The following VWF variants were observed in gnomAD, a reference collection of about 807,000 sequenced individuals.
VWF encodes von Willebrand factor, also known as Factor VIII related antigen.
VWF carries 176 observed loss-of-function variants against 308.6 expected under a neutral mutation model. That is an observed-to-expected ratio of 0.57 (90% confidence interval 0.50 to 0.65). The LOEUF is 0.65. Ranked by LOEUF, VWF falls within the 30% of genes least tolerant of loss-of-function variation. The pLI is 0.00. For synonymous variants in VWF, 1,385 were observed against 1,443.4 expected, an observed-to-expected ratio of 0.96 and a Z score of 0.92; for missense variants, 3,146 against 3,648.2, an observed-to-expected ratio of 0.86 and a Z score of 3.55.
rs1034979182 is a variant in VWF, at chr12:6,036,860, C to T, written c.2443-369G>A. Among the ~76,000 whole-genome samples, 5 of 152,162 alleles carry T rather than the reference C, an allele frequency of 3.3e-5. No individual in the cohort carries two copies. The South Asian group carries it at 6.2e-4, about 19-fold the overall frequency. On this transcript the variant is annotated intron_variant, in intron 18 of 51. Coordinates refer to ENST00000261405, the MANE Select transcript of VWF (RefSeq NM_000552.5). ...GCCTTGAAATGCACATATTCTTACA[C>T]CTAGCCATCCCAAGGAAAGGATTTC...
chr12:5,977,734 G>T (rs558234709), intron 42 of VWF, among the ~76,000 whole-genome samples: 1 of 151,914 alleles, frequency 6.6e-6, no homozygotes, highest in Non-Finnish European at 1.5e-5. Context: ...AGCCGGATGT[G>T]GTGGCATATG....
At position 5,985,084 on chromosome 12, in the gene VWF, G is replaced by A. The variant is rs184921605; in HGVS notation, c.6937C>T (p.Arg2313Cys). The A allele has an allele frequency of 2.9e-4, 464 of 1,614,178 alleles. No individual in the cohort carries two copies. The Admixed American group carries it at 4.8e-3, about 17-fold the overall frequency. ...GGGCAGCACTGGTCTGCATTCTGGC[G>A]GAGGCGGGCTACTTCACACAGGCCA... The part of the protein sequence containing the change: ...TCGLCEVARL[R>C]QNADQCCPEY... The change falls in exon 40 of 52, where the codon CGC becomes TGC. Residue 2313 changes from arginine (R) to cysteine (C), a missense_variant. Around this residue, in one of 3 missense-constraint regions of VWF, gnomAD observed 989 missense variants for 1,117.4 expected, o/e 0.89. Coordinates refer to ENST00000261405, the MANE Select transcript of VWF (RefSeq NM_000552.5).
At chr12:6,059,922 C>T (rs1944634934) in intron 13 of VWF, among the ~76,000 whole-genome samples, 2 of 152,228 alleles carry the variant, frequency 1.3e-5, no homozygotes, top group African/African-American at 4.8e-5. Flanking sequence ...TGGTGGTGCA[C>T]CTCCACTCCC....
chr12:6,118,836 C>A (rs993188449), intron 3 of VWF, among the ~76,000 whole-genome samples: 1 of 152,260 alleles, frequency 6.6e-6, no homozygotes, highest in Admixed American at 6.5e-5. Flanking sequence ...GTAGGGAGGG[C>A]ATGAGCCTTC....
chr12:6,123,652 G>A (rs374161431), intron 1 of VWF, among the ~76,000 whole-genome samples: 13 of 152,288 alleles, frequency 8.5e-5, no homozygotes, highest in Admixed American at 1.3e-4. Context: ...CCAACTTGAC[G>A]GTTTGCTTGT....
intron 35 of VWF, among the ~76,000 whole-genome samples, chr12:5,995,286 A>G (rs1943796706): frequency 6.6e-6 from 1 of 152,198 alleles, no homozygotes. Flanking sequence ...CACATTCCAC[A>G]ATGAATATAA....
intron 21 of VWF, among the ~76,000 whole-genome samples, 162 bp from the exon 22 acceptor site, chr12:6,029,650 C>A (rs1315831578): frequency 1.3e-5 from 2 of 152,306 alleles, no homozygotes; most frequent in East Asian, 3.9e-4. Context: ...GCAGGGCCAG[C>A]CCCACGCCAG....
At chr12:6,022,171 T>A (rs1278739127) in intron 26 of VWF, 136 bp from the exon 27 acceptor site, 1 of 1,198,982 alleles carries the variant, frequency 8.3e-7, no homozygotes, top group African/African-American at 1.5e-5. Flanking sequence ...CTCCCAGGGG[T>A]CACCCCATCA....
intron 48 of VWF, 52 bp from the exon 49 acceptor site, chr12:5,952,571 G>A (rs542401832): frequency 1.9e-6 from 3 of 1,601,956 alleles, no homozygotes; most frequent in Non-Finnish European, 2.6e-6. Flanking sequence ...GGTTCACAAA[G>A]CCACTTCAAA....
rs557152764 is a variant in VWF at position 5,955,688 on chromosome 12, A to T, written c.7888-2094T>A. Among the ~76,000 whole-genome samples the T allele has an allele frequency of 4.6e-5, 7 of 152,360 alleles. 1 individual carries two copies. Among genetic ancestry groups the T allele is most frequent in the African/African-American group, 1.7e-4 (7 of 41,576 alleles). Reference sequence around the variant, plus strand: ...TGTAGCAGGCAGGAACTTTAAAATAACTATGATAAATATGTTAAAGAGTCT... The same window carrying T: ...TGTAGCAGGCAGGAACTTTAAAATATCTATGATAAATATGTTAAAGAGTCT... On this transcript the variant is annotated intron_variant, in intron 47 of 51. Transcript: ENST00000261405.
chr12:5,964,250 GCATA>G (rs202210763), intron 47 of VWF, among the ~76,000 whole-genome samples: 6,556 of 122,344 alleles, frequency 0.054, 350 homozygotes, highest in East Asian at 0.26. Context: ...ATACATACAT[GCATA>G]CATACATACA....
At chr12:6,123,832 A>G (rs1246553421) in intron 1 of VWF, among the ~76,000 whole-genome samples, 2 of 152,126 alleles carry the variant, frequency 1.3e-5, no homozygotes, top group Admixed American at 6.6e-5. Context: ...ATGCAGGCAG[A>G]CTTCCCCACT....
In VWF at chr12:6,019,027, G is replaced by A. The variant is rs751985873; in HGVS notation, c.4391C>T (p.Ala1464Val). 1 of 1,613,942 alleles carries A rather than the reference G, an allele frequency of 6.2e-7. No homozygotes were observed. ...VSYLCDLAPEAPPPTLPPDMA... is the reference protein window; with the variant it reads ...VSYLCDLAPEVPPPTLPPDMA... ...GTCGGGGGGCAGAGTAGGAGGAGGG[G>A]CTTCAGGGGCAAGGTCACAGAGGTA... Residue 1464 changes from alanine to valine, a missense_variant, in exon 28 of 52, where the codon GCC (alanine) becomes GTC (valine). Around this residue, in one of 3 missense-constraint regions of VWF, gnomAD observed 853 missense variants for 1,177.8 expected, o/e 0.72. Transcript: ENST00000261405. This position sits in a 1 kb window ranked among gnomAD's most constrained non-coding sequence, Gnocchi z 5.8.
intron 16 of VWF, among the ~76,000 whole-genome samples, chr12:6,051,286 C>CTTTTTTT (rs55842185): frequency 3.7e-4 from 43 of 117,530 alleles, no homozygotes; most frequent in African/African-American, 5.1e-4. Flanking sequence ...TTCTTTTTTT[C>CTTTTTTT]TTTTTTTTTT....
chr12:6,031,102 T>TACACACACAC (rs67042989), intron 21 of VWF, among the ~76,000 whole-genome samples: 3 of 151,054 alleles, frequency 2.0e-5, no homozygotes, highest in African/African-American at 7.3e-5. Flanking sequence ...CATCACTTCA[T>TACACACACAC]ACACACACAC....
chr12:6,018,587 G>T lies in VWF; in HGVS notation c.4831C>A (p.Pro1611Thr), dbSNP rs1410103901. 6.8e-6 allele frequency: 11 copies of T among 1,614,126 alleles called. 1 individual carries two copies. In the South Asian group the frequency reaches 1.1e-4, roughly 16 times the overall value. ...PNLVYMVTGN[P>T]ASDEIKRLPG... ...AGCCTCTTGATCTCATCAGAGGCAG[G>T]ATTTCCGGTGACCATGTAGACCAGG... Residue 1611 changes from proline to threonine, a missense_variant, in exon 28 of 52, where the codon CCT (proline) becomes ACT (threonine). Pro to Thr is a conservative substitution (Grantham distance 38). This residue lies in a region of VWF where 853 missense variants were observed against 1,177.8 expected (regional missense o/e 0.72). Coordinates refer to ENST00000261405, the MANE Select transcript of VWF (RefSeq NM_000552.5).
At chr12:5,950,488 T>C (rs1340863909) in intron 50 of VWF, among the ~76,000 whole-genome samples, 3 of 152,106 alleles carry the variant, frequency 2.0e-5, no homozygotes, top group Admixed American at 1.3e-4. Flanking sequence ...CTTGGCCCAC[T>C]GGGAATTCAA....
rs35191786 is a variant in VWF, at chr12:6,031,525, T to A, written c.2739A>T (p.Gly913=). 1 of 1,614,072 alleles carries A rather than the reference T, an allele frequency of 6.2e-7. No individual in the cohort carries two copies. Among genetic ancestry groups the A allele is most frequent in the South Asian group, 1.1e-5 (1 of 91,072 alleles). ...TGCATTTCACTGAGGGGTGGCTGCATCCCTTATTCCCCACTAGGATCCGAA... is the reference window on the plus strand; with the variant it reads ...TGCATTTCACTGAGGGGTGGCTGCAACCCTTATTCCCCACTAGGATCCGAA... ...GTFRILVGNK[G]CSHPSVKCKK... Residue 913 remains glycine, a synonymous_variant, in exon 21 of 52, where the codon GGA becomes GGT. Coordinates refer to ENST00000261405, the MANE Select transcript of VWF (RefSeq NM_000552.5).
chr12:5,952,175 C>A (rs7961998), intron 49 of VWF: 7 of 710,862 alleles, frequency 9.8e-6, no homozygotes, highest in African/African-American at 8.9e-5. Context: ...CACACTCAGC[C>A]TCCCTTAAGG....
Sources: allele counts gnomAD v4.1 joint callset (sites outside exome capture counted in the v4.1 genomes callset), GRCh38; gene constraint gnomAD v4.1.1; regional missense constraint gnomAD v4.1.1; non-coding constraint Gnocchi (gnomAD v3.1); transcripts MANE v1.5; gene names NCBI Gene and HGNC (gene_info 2026-07-23, HGNC 2026-07-21).